Variants in PAK3 observed in about 807,000 individuals in gnomAD.
PAK3 encodes the protein p21 (RAC1) activated kinase 3.
Under a neutral mutation model 41.0 loss-of-function variants are expected in PAK3, and 4 were observed. The observed-to-expected ratio is 0.10, with a 90% confidence interval of 0.05 to 0.22. PAK3 has a LOEUF of 0.22. PAK3 is among the 10% of genes least tolerant of loss of function. The pLI, the probability that PAK3 is intolerant of heterozygous loss-of-function variation, is 1.00. For synonymous variants in PAK3, 146 were observed against 139.6 expected, an observed-to-expected ratio of 1.05 and a Z score of -0.32; for missense variants, 205 against 409.9, an observed-to-expected ratio of 0.50 and a Z score of 4.32.
chrX:111,168,624 C>T (rs1413853291), intron 10 of PAK3, among the ~76,000 whole-genome samples: 1 of 111,108 alleles, frequency 9.0e-6, no homozygotes, highest in Non-Finnish European at 1.9e-5. Context: ...TGGTAATCTT[C>T]ATGAAAGGAT....
chrX:111,085,170 T>C (rs1421137365), intron 1 of PAK3, among the ~76,000 whole-genome samples: 2 of 112,341 alleles, frequency 1.8e-5, no homozygotes, highest in African/African-American at 6.5e-5. Flanking sequence ...CGACAGTTTT[T>C]TTTTAAAGTA....
At chrX:111,134,836 C>T (rs907294828) in intron 5 of PAK3, among the ~76,000 whole-genome samples, 18 of 111,147 alleles carry the variant, frequency 1.6e-4, no homozygotes, top group African/African-American at 3.6e-4. Context: ...AGGCATGACA[C>T]GCTCTTAGTT....
intron 16 of PAK3, among the ~76,000 whole-genome samples, chrX:111,204,453 T>C: frequency 8.9e-6 from 1 of 111,815 alleles, no homozygotes; most frequent in Admixed American, 9.5e-5. Flanking sequence ...AAGTTAATTC[T>C]AAAGAGACAA....
chrX:110,990,525 C>T (rs546687548), intron 1 of PAK3, among the ~76,000 whole-genome samples: 55 of 110,198 alleles, frequency 5.0e-4, no homozygotes, highest in African/African-American at 1.7e-3. Flanking sequence ...ATGTATTGAC[C>T]GTAGAATGAG....
At chrX:111,006,858 T>TC (rs1212571975) in intron 1 of PAK3, among the ~76,000 whole-genome samples, 5 of 100,178 alleles carry the variant, frequency 5.0e-5, no homozygotes, top group Non-Finnish European at 8.1e-5. Context: ...TCTTTTTTTT[T>TC]TTTTTTGATA....
chrX:110,983,148 C>T (rs964436253), intron 1 of PAK3, among the ~76,000 whole-genome samples: 2 of 111,693 alleles, frequency 1.8e-5, no homozygotes, highest in African/African-American at 3.3e-5. Flanking sequence ...CTGCAGTCTT[C>T]TGCTATTAGA....
intron 6 of PAK3, among the ~76,000 whole-genome samples, chrX:111,144,610 G>C (rs1237191725): frequency 1.8e-5 from 2 of 111,268 alleles, no homozygotes. Flanking sequence ...TGTTGAGGTT[G>C]AATTTTGTGC....
intron 1 of PAK3, among the ~76,000 whole-genome samples, chrX:110,961,035 T>C (rs1347413510): frequency 9.0e-6 from 1 of 111,370 alleles, no homozygotes; most frequent in African/African-American, 3.3e-5. Flanking sequence ...TATATTATAG[T>C]GGTTTAGCAA....
chrX:111,128,883 A>G (rs1393143610), intron 5 of PAK3, among the ~76,000 whole-genome samples: 1 of 112,045 alleles, frequency 8.9e-6, no homozygotes, highest in Non-Finnish European at 1.9e-5. Flanking sequence ...TTTGTAGGTT[A>G]GATTTTTTTG....
chrX:111,021,872 T>G (rs955887312), intron 1 of PAK3, among the ~76,000 whole-genome samples: 1 of 109,920 alleles, frequency 9.1e-6, no homozygotes, highest in Non-Finnish European at 1.9e-5. Flanking sequence ...CTTAGAGAAA[T>G]GCAAAATGCA....
intron 1 of PAK3, among the ~76,000 whole-genome samples, chrX:110,986,756 CGT>C (rs758904251): frequency 0.045 from 4,632 of 103,966 alleles, 256 homozygotes; most frequent in African/African-American, 0.15. Context: ...CAAGTGTACG[CGT>C]GTGTGTGTGT....
At chrX:111,079,050 C>T (rs1052478117) in intron 1 of PAK3, among the ~76,000 whole-genome samples, 1 of 111,402 alleles carries the variant, frequency 9.0e-6, no homozygotes. Context: ...GATTAGTTCA[C>T]GAGATTTAAG....
chrX:111,051,947 A>G (rs1488177302), intron 1 of PAK3, among the ~76,000 whole-genome samples: 1 of 112,237 alleles, frequency 8.9e-6, no homozygotes, highest in Non-Finnish European at 1.9e-5. Flanking sequence ...CAGATGGTGA[A>G]TCCACTAACT....
chrX:110,955,445 T>C (rs1392155510), intron 1 of PAK3, among the ~76,000 whole-genome samples: 2 of 111,560 alleles, frequency 1.8e-5, no homozygotes, highest in African/African-American at 3.3e-5. Context: ...TTATTGCCGT[T>C]TCCGGTAATG....
chrX:111,196,752 A>G (rs1313941943), intron 16 of PAK3, 112 bp downstream of exon 16: 1 of 485,232 alleles, frequency 2.1e-6, no homozygotes, highest in Non-Finnish European at 3.6e-6. Context: ...GAGACCAGTA[A>G]CATAGAAGCA....
intron 1 of PAK3, among the ~76,000 whole-genome samples, chrX:110,960,913 G>A (rs753882061): frequency 2.7e-4 from 30 of 111,389 alleles, no homozygotes; most frequent in Admixed American, 1.7e-3. Context: ...AGTGGTCTTC[G>A]TGGATGTTAG....
At chrX:110,970,249 G>A (rs2091177729) in intron 1 of PAK3, among the ~76,000 whole-genome samples, 1 of 111,078 alleles carries the variant, frequency 9.0e-6, no homozygotes, top group South Asian at 3.8e-4. Flanking sequence ...GTTTTGATGG[G>A]GTTGTTTGTT....
chrX:111,033,573 A>C (rs908625644), intron 1 of PAK3, among the ~76,000 whole-genome samples: 2 of 112,019 alleles, frequency 1.8e-5, no homozygotes, highest in African/African-American at 3.2e-5. Flanking sequence ...ACTTTTCTCA[A>C]CATTTGGGAA....
chrX:110,996,629 G>GCT (rs931123976), intron 1 of PAK3, among the ~76,000 whole-genome samples: 122 of 107,721 alleles, frequency 1.1e-3, no homozygotes, highest in African/African-American at 3.6e-3. Context: ...CAAAGAGCCT[G>GCT]CTCTCTCTCT....
Sources: gnomAD v4.1 joint callset for allele counts (sites outside exome capture counted in the v4.1 genomes callset) on GRCh38, gnomAD v4.1.1 for gene constraint, MANE v1.5 for transcripts, NCBI Gene and HGNC (gene_info 2026-07-23, HGNC 2026-07-21) for gene names.